Variants in RAD51B observed in about 807,000 individuals in gnomAD.
RAD51B encodes the protein DNA repair protein RAD51 homolog 2.
In RAD51B, 38 loss-of-function variants were observed where a neutral mutation model predicts 42.2. The ratio of observed to expected loss-of-function variants is 0.90; its 90% CI spans 0.70 to 1.18. RAD51B has a LOEUF of 1.18. Among genes scored for constraint, RAD51B ranks in the 50% most tolerant of loss-of-function variants. The pLI is 0.00. For missense variants in RAD51B, 373 were observed against 400.7 expected (o/e 0.93, Z 0.59); for synonymous variants, 154 against 145.2 (o/e 1.06, Z -0.43).
intron 8 of RAD51B, among the ~76,000 whole-genome samples, chr14:68,340,390 G>A (rs955764345): frequency 1.3e-5 from 2 of 152,152 alleles, no homozygotes; most frequent in Non-Finnish European, 2.9e-5. Context: ...TCTGGATCTA[G>A]GACAGATGGG....
chr14:68,411,419 T>G lies in RAD51B; in HGVS notation c.854-5T>G. On this transcript the variant is annotated splice_region_variant and splice_polypyrimidine_tract_variant and intron_variant, in intron 8 of 10. Coordinates refer to ENST00000471583, the MANE Select transcript of RAD51B (RefSeq NM_133510.4). ...TGAAAGCGTGCTTTTACCATTTCAT[T>G]TCAGGCACTTCTGGATCCAGCTGTG... is the stretch of plus-strand genomic sequence containing the variant. 1.2e-6 allele frequency: 2 copies of G among 1,613,688 alleles called. No homozygotes were observed. Among genetic ancestry groups the G allele is most frequent in the Non-Finnish European group, 8.5e-7 (1 of 1,179,678 alleles).
chr14:67,933,820 A>G (rs1009666576), intron 7 of RAD51B, among the ~76,000 whole-genome samples: 3 of 152,180 alleles, frequency 2.0e-5, no homozygotes, highest in Non-Finnish European at 2.9e-5. Context: ...CAATCTCTCT[A>G]GTTAGCCACC....
chr14:68,094,728 A>G (rs2077163331), intron 7 of RAD51B, among the ~76,000 whole-genome samples: 1 of 152,224 alleles, frequency 6.6e-6, no homozygotes, highest in South Asian at 2.1e-4. Flanking sequence ...CAGGGTGAAT[A>G]TAATTTAGGA....
chr14:68,137,496 C>A (rs2078035269), intron 7 of RAD51B, among the ~76,000 whole-genome samples: 1 of 152,088 alleles, frequency 6.6e-6, no homozygotes, highest in Non-Finnish European at 1.5e-5. Flanking sequence ...TCTATTAATA[C>A]CATCATTATC....
At chr14:68,172,196 C>T (rs148341198) in intron 7 of RAD51B, among the ~76,000 whole-genome samples, 2 of 152,272 alleles carry the variant, frequency 1.3e-5, no homozygotes, top group East Asian at 1.9e-4. Flanking sequence ...TCCCTTAAAT[C>T]GCCTAGTTCT....
intron 7 of RAD51B, among the ~76,000 whole-genome samples, chr14:68,084,857 A>C (rs1275303716): frequency 6.6e-6 from 1 of 152,232 alleles, no homozygotes; most frequent in Non-Finnish European, 1.5e-5. Context: ...TGTTAAAAAA[A>C]ATCCGTGGAT....
chr14:68,354,734 T>TA (rs1474042619), intron 8 of RAD51B, among the ~76,000 whole-genome samples: 11 of 151,470 alleles, frequency 7.3e-5, no homozygotes, highest in East Asian at 1.9e-4. Context: ...TTTTTTTTTT[T>TA]AATTATTAAG....
At chr14:68,151,612 T>TTGTG (rs563841222) in intron 7 of RAD51B, among the ~76,000 whole-genome samples, 26 of 150,806 alleles carry the variant, frequency 1.7e-4, no homozygotes, top group South Asian at 8.4e-4. Context: ...TCTTGGTTTT[T>TTGTG]TGTGTGTGTG....
intron 7 of RAD51B, among the ~76,000 whole-genome samples, chr14:67,928,289 A>G (rs959064161): frequency 5.9e-5 from 9 of 152,184 alleles, no homozygotes; most frequent in African/African-American, 2.2e-4. Flanking sequence ...TGATTTAGAT[A>G]AAATGACATG....
chr14:67,957,559 A>G (rs993628472), intron 7 of RAD51B, among the ~76,000 whole-genome samples: 1 of 152,202 alleles, frequency 6.6e-6, no homozygotes, highest in African/African-American at 2.4e-5. Flanking sequence ...GAAGATGGCC[A>G]GAGGAAGTTT....
At chr14:68,049,740 G>A (rs1473471712) in intron 7 of RAD51B, among the ~76,000 whole-genome samples, 1 of 152,130 alleles carries the variant, frequency 6.6e-6, no homozygotes, top group Non-Finnish European at 1.5e-5. Context: ...CTCCTTGCCA[G>A]CCTTTTTGAT....
intron 8 of RAD51B, among the ~76,000 whole-genome samples, chr14:68,375,370 A>G (rs1245823657): frequency 1.3e-5 from 2 of 152,150 alleles, no homozygotes; most frequent in Admixed American, 6.5e-5. Context: ...TGAAGGCTTG[A>G]GTCTAGTAAA....
At chr14:68,430,028 T>C (rs998836398) in intron 9 of RAD51B, among the ~76,000 whole-genome samples, 5 of 152,316 alleles carry the variant, frequency 3.3e-5, no homozygotes, top group Admixed American at 1.3e-4. Flanking sequence ...TTCTTGATTT[T>C]GTCAGGTTTG....
chr14:68,093,615 C>A (rs188906405), intron 7 of RAD51B, among the ~76,000 whole-genome samples: 1 of 151,644 alleles, frequency 6.6e-6, no homozygotes, highest in Non-Finnish European at 1.5e-5. Context: ...GTCTTGCTAG[C>A]GGTCTATCAA....
At chr14:68,599,781 G>C (rs777746172), downstream of RAD51B, among the ~76,000 whole-genome samples, 2 of 152,188 alleles carry the variant, frequency 1.3e-5, no homozygotes, top group Non-Finnish European at 2.9e-5. Flanking sequence ...AAGAAGGATG[G>C]AGACAAGAAG....
In RAD51B at chr14:68,136,431, A is replaced by G. The variant is rs61985065; in HGVS notation, c.757-155453A>G. Among the ~76,000 whole-genome samples, 10 of 46,944 alleles carry G rather than the reference A, an allele frequency of 2.1e-4. 1 individual carries two copies. Among genetic ancestry groups the G allele is most frequent in the African/African-American group, 3.7e-4 (9 of 24,176 alleles). The allele number at this position is 46,944 out of a possible 152,430, so 30.8% of individuals were successfully genotyped here. A position where few individuals can be genotyped will look rare whatever the true frequency, so the allele number is the denominator to read the frequency against. On this transcript the variant is annotated intron_variant, in intron 7 of 10. Transcript: ENST00000471583. ...CATCTCTACTAAAAATACAAAAATTAGCTGAGCATGGTGGCACATGCCTGG... is the reference window on the plus strand; with the variant it reads ...CATCTCTACTAAAAATACAAAAATTGGCTGAGCATGGTGGCACATGCCTGG...
At chr14:68,266,437 T>C (rs2080993733) in intron 7 of RAD51B, among the ~76,000 whole-genome samples, 1 of 152,212 alleles carries the variant, frequency 6.6e-6, no homozygotes, top group African/African-American at 2.4e-5. Flanking sequence ...CCCTCTGGAA[T>C]GAAGATCTTA....
At chr14:68,455,760 G>T (rs2085670258) in intron 9 of RAD51B, among the ~76,000 whole-genome samples, 1 of 151,998 alleles carries the variant, frequency 6.6e-6, no homozygotes, top group African/African-American at 2.4e-5. Context: ...AAGTGTGTTG[G>T]TAAAGATAAA....
At chr14:68,311,077 T>C (rs1190359376) in intron 8 of RAD51B, among the ~76,000 whole-genome samples, 1 of 151,912 alleles carries the variant, frequency 6.6e-6, no homozygotes, top group Admixed American at 6.6e-5. Flanking sequence ...CAACATGTAA[T>C]CTAGTTAAAA....
Sources: allele counts gnomAD v4.1 joint callset (sites outside exome capture counted in the v4.1 genomes callset), GRCh38; gene constraint gnomAD v4.1.1; transcripts MANE v1.5; gene names NCBI Gene and HGNC (gene_info 2026-07-23, HGNC 2026-07-21).